The following OXR1 variants were observed in gnomAD, a reference collection of about 807,000 sequenced individuals.
OXR1 encodes the protein oxidation resistance 1.
Under a neutral mutation model 104.6 loss-of-function variants are expected in OXR1, and 41 were observed. The observed-to-expected ratio is 0.39, with a 90% CI of 0.31 to 0.51. The LOEUF is 0.51. OXR1 is among the 20% of genes least tolerant of loss of function. OXR1 has a pLI of 0.77. For missense variants in OXR1, 955 were observed against 1,031.9 expected (o/e 0.93, Z 1.02); for synonymous variants, 348 against 348.4 (o/e 1.00, Z 0.01).
chr8:106,423,901 A>G (rs1819003659), intron 2 of OXR1, among the ~76,000 whole-genome samples: 2 of 152,130 alleles, frequency 1.3e-5, no homozygotes, highest in African/African-American at 4.8e-5. Context: ...TTTTAAATAG[A>G]ATAATCATTT....
intron 3 of OXR1, among the ~76,000 whole-genome samples, chr8:106,565,765 T>C (rs1398867865): frequency 1.3e-5 from 2 of 152,162 alleles, no homozygotes; most frequent in Non-Finnish European, 2.9e-5. Context: ...AGCATGGTAC[T>C]GCTACCAAAA....
chr8:106,430,511 C>G (rs537797690), intron 2 of OXR1, among the ~76,000 whole-genome samples: 24 of 152,308 alleles, frequency 1.6e-4, no homozygotes, highest in African/African-American at 5.8e-4. Context: ...TAAACACCTG[C>G]TGGGTGTAAA....
rs60404483 is a variant in OXR1, at chr8:106,671,044, C to CAAAAAAAAAAAAAAAAAAAAAA, written c.221-8147_221-8146insAAAAAAAAAAAAAAAAAAAAAA. On this transcript the variant is annotated intron_variant, in intron 3 of 16. Transcript: ENST00000517566. ...TGGGTGACAGAGTGAGACTCTGTCTCAAAAAAAAAAAAAAAAAAAGAATGG... is the reference window on the plus strand; with the variant it reads ...TGGGTGACAGAGTGAGACTCTGTCTCAAAAAAAAAAAAAAAAAAAAAAAAAAAAAAAAAAAAAAAAAGAATGG... 1.4e-3 allele frequency among the ~76,000 whole-genome samples: 70 copies of CAAAAAAAAAAAAAAAAAAAAAA among 48,862 alleles called. 2 individuals carry two copies. Among genetic ancestry groups the CAAAAAAAAAAAAAAAAAAAAAA allele is most frequent in the African/African-American group, 4.7e-3 (38 of 8,114 alleles). 32.1% of individuals were successfully genotyped at this position (48,862 alleles called of 152,430 possible).
chr8:106,360,895 A>T (rs1425427448), intron 2 of OXR1, among the ~76,000 whole-genome samples: 1 of 152,104 alleles, frequency 6.6e-6, no homozygotes, highest in Non-Finnish European at 1.5e-5. Flanking sequence ...AAGAAGGGGG[A>T]CAGGAGGGTT....
intron 2 of OXR1, among the ~76,000 whole-genome samples, chr8:106,516,785 A>G (rs974422651): frequency 4.6e-5 from 7 of 152,288 alleles, no homozygotes; most frequent in African/African-American, 1.4e-4. Flanking sequence ...TTTAAGAGAG[A>G]GAAAGAGAGA....
chr8:106,568,055 A>C (rs1586823695), intron 3 of OXR1, among the ~76,000 whole-genome samples: 1 of 152,276 alleles, frequency 6.6e-6, no homozygotes, highest in East Asian at 1.9e-4. Flanking sequence ...ATGGAAACAC[A>C]TTTCCTCAGG....
intron 3 of OXR1, among the ~76,000 whole-genome samples, chr8:106,668,271 A>T (rs1563685333): frequency 6.6e-6 from 1 of 152,206 alleles, no homozygotes; most frequent in Non-Finnish European, 1.5e-5. Flanking sequence ...TCAGTCTTAT[A>T]GCACTGAGTA....
intron 2 of OXR1, among the ~76,000 whole-genome samples, chr8:106,501,855 A>G (rs1811831873): frequency 6.6e-6 from 1 of 152,318 alleles, no homozygotes; most frequent in Non-Finnish European, 1.5e-5. Context: ...TATTATTCTT[A>G]AGCTTCAATA....
At position 106,599,763 on chromosome 8, in the gene OXR1, A is replaced by G. The variant is rs149416318; in HGVS notation, c.221-79447A>G. On this transcript the variant is annotated intron_variant, in intron 3 of 16. Coordinates refer to ENST00000517566, the MANE Select transcript of OXR1 (RefSeq NM_001198533.2). ...CCTTTATATTCAGGTGCCAGAAGAA[A>G]CCTTAGAGCAGCAGTCCCCAACCTT... Among the ~76,000 whole-genome samples the G allele has an allele frequency of 1.1e-3, 171 of 152,176 alleles. No homozygotes were observed. The Middle Eastern group carries it at 0.024, about 21-fold the overall frequency.
At chr8:106,426,827 G>T (rs2130551106) in intron 2 of OXR1, among the ~76,000 whole-genome samples, 1 of 152,194 alleles carries the variant, frequency 6.6e-6, no homozygotes, top group South Asian at 2.1e-4. Flanking sequence ...ATAAATATTG[G>T]ATACTATTAT....
intron 15 of OXR1, among the ~76,000 whole-genome samples, chr8:106,742,792 T>A (rs1014599135): frequency 1.3e-5 from 2 of 152,106 alleles, no homozygotes; most frequent in African/African-American, 4.8e-5. Context: ...TATACAAACA[T>A]TAACTCAAGA....
In OXR1 at chr8:106,707,047, A is replaced by G. The variant is rs1563731163; in HGVS notation, c.1526A>G (p.His509Arg). ...AEELRKLWKT[H>R]TMQQTKQQRE... is the part of the protein sequence containing the mutation. ...GAGCTACGCAAACTTTGGAAAACCC[A>G]TACTATGCAACAAACTAAACAGCAA... The change falls in exon 9 of 17, where the codon CAT becomes CGT. Residue 509 changes from histidine to arginine, a missense_variant. Physicochemically the swap from His to Arg is conservative, Grantham distance 29. This residue lies in a region of OXR1 where 849 missense variants were observed against 852.9 expected (regional missense o/e 1.00). Transcript: ENST00000517566. The G allele has an allele frequency of 1.9e-6, 3 of 1,613,980 alleles. No individual in the cohort carries two copies. The highest frequency in any genetic ancestry group is 2.5e-6 in the Non-Finnish European group (3 of 1,179,946).
chr8:106,322,827 A>G (rs1302243773), intron 1 of OXR1, among the ~76,000 whole-genome samples: 1 of 152,220 alleles, frequency 6.6e-6, no homozygotes, highest in Non-Finnish European at 1.5e-5. Context: ...ACAGCTAACC[A>G]GAGAGGTGAA....
At chr8:106,425,801 G>A (rs7004959) in intron 2 of OXR1, among the ~76,000 whole-genome samples, 35,572 of 152,086 alleles carry the variant, frequency 0.23, 5,914 homozygotes, top group African/African-American at 0.45. Context: ...TGGAGTTGAC[G>A]CAGGTCTTTT....
At chr8:106,297,255 T>G (rs779732208) in intron 1 of OXR1, among the ~76,000 whole-genome samples, 5 of 152,222 alleles carry the variant, frequency 3.3e-5, no homozygotes, top group Non-Finnish European at 7.3e-5. Context: ...TCTTTGATTA[T>G]ATAATTTTAT....
In OXR1 at chr8:106,285,916, ATG is replaced by A. The variant is rs575200208; in HGVS notation, c.-139+15555_-139+15556del. ...TTTGTGGACTTCCCTCCTTCTGGGA[ATG>A]TGTGTCTTTAATCTATGCAACATTC... On this transcript the variant is annotated intron_variant, in intron 1 of 16. Coordinates refer to ENST00000517566, the MANE Select transcript of OXR1 (RefSeq NM_001198533.2). Among the ~76,000 whole-genome samples the A allele has an allele frequency of 2.1e-4, 32 of 152,002 alleles. 3 individuals are homozygous for A. The highest frequency in any genetic ancestry group is 7.2e-4 in the African/African-American group (30 of 41,398).
At chr8:106,346,904 G>A (rs1263638767) in intron 1 of OXR1, among the ~76,000 whole-genome samples, 3 of 152,174 alleles carry the variant, frequency 2.0e-5, no homozygotes, top group Admixed American at 6.5e-5. Flanking sequence ...TTAGCCGGGC[G>A]TGGTGGCGGG....
rs570894648 is a variant in OXR1, at chr8:106,376,134, C to G, written c.23+16498C>G. Among the ~76,000 whole-genome samples the G allele has an allele frequency of 6.2e-4, 94 of 152,210 alleles. 1 individual carries two copies. The highest frequency in any genetic ancestry group is 1.3e-3 in the Non-Finnish European group (88 of 68,046). ...TATACCGACATTTTTTTACTGGTCA[C>G]TGAGGAGTTTTGAGGATATATTTCC... On this transcript the variant is annotated intron_variant, in intron 2 of 16. Coordinates refer to ENST00000517566, the MANE Select transcript of OXR1 (RefSeq NM_001198533.2).
chr8:106,384,292 C>T (rs1215691990), intron 2 of OXR1, among the ~76,000 whole-genome samples: 2 of 152,126 alleles, frequency 1.3e-5, no homozygotes, highest in East Asian at 1.9e-4. Context: ...GTGAAATAGG[C>T]GTGCTTATGA....
Sources: gnomAD v4.1 joint callset for allele counts (sites outside exome capture counted in the v4.1 genomes callset) on GRCh38, gnomAD v4.1.1 for gene constraint, gnomAD v4.1.1 regional missense constraint, MANE v1.5 for transcripts, NCBI Gene and HGNC (gene_info 2026-07-23, HGNC 2026-07-21) for gene names.